Variants in GRIP2 observed in about 807,000 individuals in gnomAD.
The protein encoded by GRIP2 is glutamate receptor interacting protein 2.
GRIP2 carries 58 observed loss-of-function variants against 108.3 expected under a neutral mutation model. That is an observed-to-expected ratio of 0.54 (90% CI 0.43 to 0.67). The LOEUF (loss-of-function observed/expected upper bound fraction) is 0.67. GRIP2 is among the 30% of genes least tolerant of loss of function. GRIP2 has a pLI of 0.00. For synonymous variants in GRIP2, 586 were observed against 598.2 expected, an observed-to-expected ratio of 0.98 and a Z score of 0.30; for missense variants, 1,278 against 1,430.6, an observed-to-expected ratio of 0.89 and a Z score of 1.72.
chr3:14,543,873 G>A (rs938509698), upstream of GRIP2, among the ~76,000 whole-genome samples: 2 of 152,212 alleles, frequency 1.3e-5, no homozygotes, highest in Admixed American at 6.5e-5. Flanking sequence ...CTGTGTGATC[G>A]GGGCACTTGT....
At chr3:14,593,543 G>A in the GRIP2 span, among the ~76,000 whole-genome samples, 1 of 152,218 alleles carries the variant, frequency 6.6e-6, no homozygotes, top group East Asian at 1.9e-4. Context: ...AGCTCCTATA[G>A]TTCTCCCAAG....
upstream of GRIP2, among the ~76,000 whole-genome samples, chr3:14,542,621 A>G (rs956896203): frequency 2.6e-5 from 4 of 152,156 alleles, no homozygotes; most frequent in African/African-American, 9.7e-5. Flanking sequence ...AAGCTCCTGG[A>G]AAGGTCATGC....
chr3:14,522,888 G>A lies in GRIP2; in HGVS notation c.566+112C>T. 1.1e-6 allele frequency: 1 copy of A among 870,960 alleles called. No individual in the cohort carries two copies. The highest frequency in any genetic ancestry group is 1.9e-5 in the Admixed American group (1 of 54,046). 54.0% of individuals were successfully genotyped at this position (870,960 alleles called of 1,614,324 possible). A position where few individuals can be genotyped will look rare whatever the true frequency, so the allele number is the denominator to read the frequency against. ...ACACCGGGCAGGGAGTGTTCCCTCA[G>A]GGCCTCGATCTCTTCATCTGGGGAA... On this transcript the variant is annotated intron_variant, in intron 6 of 23. Coordinates refer to ENST00000621039, the MANE Select transcript of GRIP2 (RefSeq NM_001080423.4). This position sits in a 1 kb window ranked among gnomAD's most constrained non-coding sequence, Gnocchi z 4.3.
At chr3:14,523,261 G>A (rs1010324397) in intron 5 of GRIP2, 186 bp from the exon 6 acceptor site, 7 of 595,822 alleles carry the variant, frequency 1.2e-5, no homozygotes, top group East Asian at 5.7e-5. Flanking sequence ...GCAAGGGGTG[G>A]GTAACATGAC....
chr3:14,509,718 T>C (rs775381304), intron 17 of GRIP2, 102 bp downstream of exon 17: 25 of 1,196,736 alleles, frequency 2.1e-5, no homozygotes, highest in Non-Finnish European at 2.5e-5. Context: ...AGTGTCAATG[T>C]TGGAACAGAG....
At chr3:14,523,965 A>G in intron 4 of GRIP2, 3 of 530,694 alleles carry the variant, frequency 5.7e-6, no homozygotes, top group Non-Finnish European at 1.0e-5. Context: ...CATGGCTGGT[A>G]GGCTCAGGCC....
chr3:14,534,351 G>C lies in GRIP2; in HGVS notation c.40+5918C>G, dbSNP rs74860940. On this transcript the variant is annotated intron_variant, in intron 1 of 23. Coordinates refer to ENST00000621039, the MANE Select transcript of GRIP2 (RefSeq NM_001080423.4). ...TACTTTATTTATAGAAAACCCCTTG[G>C]GGGGGTCAGACCCTAGGCCCCCTCC... is the stretch of plus-strand genomic sequence containing the variant. Among the ~76,000 whole-genome samples the C allele has an allele frequency of 8.0e-3, 1,219 of 151,858 alleles. 15 individuals are homozygous for C. The highest frequency in any genetic ancestry group is 0.027 in the African/African-American group (1,122 of 41,174).
chr3:14,560,006 C>T (rs1695293836), upstream of GRIP2, among the ~76,000 whole-genome samples: 1 of 152,114 alleles, frequency 6.6e-6, no homozygotes, highest in African/African-American at 2.4e-5. Flanking sequence ...TAATTCCAGC[C>T]CTTTGGGAGG....
intron 9 of GRIP2, among the ~76,000 whole-genome samples, chr3:14,519,196 T>C (rs1694339310): frequency 6.6e-6 from 1 of 152,202 alleles, no homozygotes; most frequent in Admixed American, 6.5e-5. Context: ...TCATTCAGTG[T>C]GGCTTTTTCA....
rs758046465 is a variant in GRIP2 at position 14,503,609 on chromosome 3, T to C, written c.2636A>G (p.Asp879Gly). ...CTCTGACTGACCACATGACTCCAGG[T>C]CTTCGAGAGCTTCTCCAAACATGCG... is the stretch of plus-strand genomic sequence containing the variant. ...FWRMFGEALEDLESCGQSELL... is the reference protein window; with the variant it reads ...FWRMFGEALEGLESCGQSELL... Residue 879 changes from aspartate to glycine, a missense_variant, in exon 21 of 24, where the codon GAC becomes GGC. Physicochemically the swap from Asp to Gly is moderately conservative, Grantham distance 94. Transcript: ENST00000621039. The C allele has an allele frequency of 6.2e-7, 1 of 1,611,530 alleles. No homozygotes were observed. The highest frequency in any genetic ancestry group is 8.5e-7 in the Non-Finnish European group (1 of 1,179,110).
upstream of GRIP2, among the ~76,000 whole-genome samples, chr3:14,543,061 G>A (rs1374550122): frequency 6.6e-6 from 1 of 152,226 alleles, no homozygotes; most frequent in Non-Finnish European, 1.5e-5. Context: ...TGAAGGATGG[G>A]AAGGAGTTTG....
chr3:14,497,156 G>A (rs992140091), intron 21 of GRIP2, among the ~76,000 whole-genome samples: 6 of 151,956 alleles, frequency 3.9e-5, no homozygotes, highest in African/African-American at 7.2e-5. Flanking sequence ...TAGTACAGAC[G>A]AGGTTTCTCC....
At chr3:14,587,630 T>C in the GRIP2 span, among the ~76,000 whole-genome samples, 22 of 133,774 alleles carry the variant, frequency 1.6e-4, no homozygotes, top group East Asian at 3.4e-3. Flanking sequence ...CAGAGTGAGA[T>C]GCCATCTCCA....
At chr3:14,595,999 G>A in the GRIP2 span, among the ~76,000 whole-genome samples, 1 of 152,256 alleles carries the variant, frequency 6.6e-6, no homozygotes, top group African/African-American at 2.4e-5. Flanking sequence ...TCTATATCCA[G>A]TGATGGAGAT....
upstream of GRIP2, among the ~76,000 whole-genome samples, chr3:14,559,624 G>A (rs373076317): frequency 6.6e-6 from 1 of 152,110 alleles, no homozygotes; most frequent in Non-Finnish European, 1.5e-5. Context: ...TCCACCAGAA[G>A]TCACTAGGGC....
Position 14,510,036 on chromosome 3 carries a change from T to A in GRIP2, c.1934-72A>T, listed in dbSNP as rs551233546. The A allele has an allele frequency of 4.0e-5, 51 of 1,264,564 alleles. 2 individuals are homozygous for A. In the Middle Eastern group the frequency reaches 8.0e-4, roughly 20 times the overall value. The allele number at this position is 1,264,564 out of a possible 1,614,324, so 78.3% of individuals were successfully genotyped here. ...CAGCTTCCTAAAGCCTTGGCCTCAC[T>A]CACTCACTCATACTTATTTATTAAT... On this transcript the variant is annotated intron_variant, in intron 16 of 23. Transcript: ENST00000621039.
chr3:14,565,432 G>A, the GRIP2 span, among the ~76,000 whole-genome samples: 7 of 152,130 alleles, frequency 4.6e-5, no homozygotes, highest in East Asian at 3.9e-4. Context: ...GGACCCCCAC[G>A]CTAATAGGGC....
the GRIP2 span, among the ~76,000 whole-genome samples, chr3:14,578,162 G>A: frequency 6.6e-6 from 1 of 152,192 alleles, no homozygotes; most frequent in Non-Finnish European, 1.5e-5. Flanking sequence ...TGTGGTGATC[G>A]ATAAGCACTG....
the GRIP2 span, among the ~76,000 whole-genome samples, chr3:14,585,697 A>G: frequency 1.3e-5 from 2 of 152,228 alleles, no homozygotes; most frequent in African/African-American, 2.4e-5. Flanking sequence ...TTCAGGAGGA[A>G]TATACACAGC....
Sources: gnomAD v4.1 joint callset for allele counts (sites outside exome capture counted in the v4.1 genomes callset) on GRCh38, gnomAD v4.1.1 for gene constraint, Gnocchi (gnomAD v3.1) non-coding constraint, MANE v1.5 for transcripts, NCBI Gene and HGNC (gene_info 2026-07-23, HGNC 2026-07-21) for gene names.